The following NEGR1 variants were observed in gnomAD, a reference collection of about 807,000 sequenced individuals.
The protein encoded by NEGR1 is neuronal growth regulator 1.
NEGR1 carries 10 observed loss-of-function variants against 40.9 expected under a neutral mutation model. The observed-to-expected ratio is 0.24, with a 90% CI of 0.15 to 0.42. The LOEUF (loss-of-function observed/expected upper bound fraction) is 0.42, where lower values mean the gene tolerates loss of function less well. Ranked by LOEUF, NEGR1 falls within the 10% of genes least tolerant of loss-of-function variation. The pLI, the probability that NEGR1 is intolerant of heterozygous loss-of-function variation, is 1.00. For missense variants in NEGR1, 352 were observed against 438.9 expected, an observed-to-expected ratio of 0.80 and a Z score of 1.77; for synonymous variants, 185 against 166.8, an observed-to-expected ratio of 1.11 and a Z score of -0.84.
At chr1:72,154,113 A>G (rs1651267146) in intron 1 of NEGR1, among the ~76,000 whole-genome samples, 1 of 151,826 alleles carries the variant, frequency 6.6e-6, no homozygotes. Flanking sequence ...TTTGGGCCTG[A>G]GAGACAATTG....
chr1:71,905,877 A>G (rs1166139188), intron 2 of NEGR1, among the ~76,000 whole-genome samples: 1 of 151,796 alleles, frequency 6.6e-6, no homozygotes. Context: ...AAAAAAAAAA[A>G]AAAGAAAGGC....
chr1:71,793,461 A>G (rs1260119883), intron 2 of NEGR1, among the ~76,000 whole-genome samples: 1 of 150,418 alleles, frequency 6.6e-6, no homozygotes, highest in African/African-American at 2.4e-5. Context: ...GTTTTATAAA[A>G]GATATCTACC....
intron 2 of NEGR1, among the ~76,000 whole-genome samples, chr1:71,838,316 T>C (rs1273622691): frequency 6.6e-6 from 1 of 152,284 alleles, no homozygotes; most frequent in Non-Finnish European, 1.5e-5. Context: ...AATATAACCA[T>C]GTAAGAAAGC....
At chr1:71,918,454 A>G (rs1390636558) in intron 2 of NEGR1, among the ~76,000 whole-genome samples, 3 of 151,860 alleles carry the variant, frequency 2.0e-5, no homozygotes, top group East Asian at 1.9e-4. Context: ...TGAGCCTTCA[A>G]TGGTTTCTGC....
intron 1 of NEGR1, among the ~76,000 whole-genome samples, chr1:72,267,886 A>G (rs1400492842): frequency 2.6e-5 from 4 of 151,344 alleles, no homozygotes; most frequent in Admixed American, 1.3e-4. Flanking sequence ...AAACCTTCAT[A>G]GACTTTCAGA....
chr1:71,947,129 C>T (rs184788943), intron 1 of NEGR1, among the ~76,000 whole-genome samples: 5,389 of 140,186 alleles, frequency 0.038, 339 homozygotes, highest in African/African-American at 0.13. Context: ...CACACACACA[C>T]ACGTATATGT....
intron 1 of NEGR1, among the ~76,000 whole-genome samples, chr1:72,016,829 C>T (rs993245860): frequency 2.0e-5 from 3 of 152,086 alleles, no homozygotes; most frequent in Non-Finnish European, 2.9e-5. Context: ...ATTTCAGTGT[C>T]GAATCCAGTT....
intron 4 of NEGR1, among the ~76,000 whole-genome samples, chr1:71,628,306 A>T (rs1042506319): frequency 2.0e-5 from 3 of 152,040 alleles, no homozygotes; most frequent in African/African-American, 4.8e-5. Context: ...CAATATCAGA[A>T]ACATAGGTGA....
intron 4 of NEGR1, among the ~76,000 whole-genome samples, chr1:71,664,401 T>C (rs1259645628): frequency 6.6e-6 from 1 of 152,208 alleles, no homozygotes; most frequent in Non-Finnish European, 1.5e-5. Context: ...TTCTATTATT[T>C]TCCACTTCAA....
intron 4 of NEGR1, among the ~76,000 whole-genome samples, chr1:71,673,296 TTTGTAAACAAG>T (rs1361282036): frequency 6.6e-6 from 1 of 152,174 alleles, no homozygotes; most frequent in African/African-American, 2.4e-5. Context: ...AATGGGTATC[TTTGTAAACAAG>T]TTAACCAGGC....
At chr1:71,805,377 CA>C (rs1203669902) in intron 2 of NEGR1, among the ~76,000 whole-genome samples, 13 of 152,118 alleles carry the variant, frequency 8.5e-5, no homozygotes, top group Non-Finnish European at 1.6e-4. Flanking sequence ...TTTTACGGCT[CA>C]GGGGGCATCA....
At chr1:71,500,570 C>T (rs1387614636) in intron 6 of NEGR1, among the ~76,000 whole-genome samples, 2 of 152,038 alleles carry the variant, frequency 1.3e-5, no homozygotes, top group Non-Finnish European at 2.9e-5. Context: ...CTCAACATCA[C>T]TTAATGTTTG....
intron 1 of NEGR1, among the ~76,000 whole-genome samples, chr1:72,177,777 T>G (rs921975035): frequency 2.6e-5 from 4 of 151,794 alleles, no homozygotes; most frequent in African/African-American, 4.8e-5. Flanking sequence ...TTTGTTTTTT[T>G]TTTTTTGCTG....
chr1:71,897,875 C>A (rs934664172), intron 2 of NEGR1, among the ~76,000 whole-genome samples: 1 of 152,062 alleles, frequency 6.6e-6, no homozygotes, highest in African/African-American at 2.4e-5. Context: ...TTAATCAATA[C>A]TGAATTTTAA....
chr1:71,898,205 G>A (rs1181781412), intron 2 of NEGR1, among the ~76,000 whole-genome samples: 1 of 152,196 alleles, frequency 6.6e-6, no homozygotes, highest in African/African-American at 2.4e-5. Context: ...CATTGAGGAA[G>A]CTAATACATT....
chr1:71,558,435 C>T (rs761200104), intron 6 of NEGR1, among the ~76,000 whole-genome samples: 20 of 151,572 alleles, frequency 1.3e-4, no homozygotes, highest in South Asian at 4.2e-4. Context: ...ATTATAATGG[C>T]GTTCTGATGG....
intron 1 of NEGR1, among the ~76,000 whole-genome samples, chr1:72,125,843 A>G (rs2821237): frequency 0.98 from 149,008 of 152,296 alleles, 72,914 homozygotes; most frequent in Middle Eastern, 1. Flanking sequence ...GTAAGAAACA[A>G]TAAGCTTAAG....
At chr1:72,091,575 A>G (rs1027072807) in intron 1 of NEGR1, among the ~76,000 whole-genome samples, 1 of 152,068 alleles carries the variant, frequency 6.6e-6, no homozygotes, top group Non-Finnish European at 1.5e-5. Context: ...TAGACAAGGC[A>G]TGATCATACT....
intron 6 of NEGR1, among the ~76,000 whole-genome samples, chr1:71,454,854 A>C (rs1038441896): frequency 6.6e-6 from 1 of 152,178 alleles, no homozygotes; most frequent in Admixed American, 6.5e-5. Flanking sequence ...TGGACACTGA[A>C]GGTTTTATCT....
Sources: gnomAD v4.1 joint callset for allele counts (sites outside exome capture counted in the v4.1 genomes callset) on GRCh38, gnomAD v4.1.1 for gene constraint, MANE v1.5 for transcripts, NCBI Gene and HGNC (gene_info 2026-07-23, HGNC 2026-07-21) for gene names.